Variants in TLL1 observed in about 807,000 individuals in gnomAD.
The protein encoded by TLL1 is tolloid like 1, also known as tolloid-like protein 1.
In TLL1, 49 loss-of-function variants were observed where a neutral mutation model predicts 128.2. The ratio of observed to expected loss-of-function variants is 0.38; its 90% CI spans 0.30 to 0.48. The LOEUF is 0.48. Ranked by LOEUF, TLL1 falls within the 20% of genes least tolerant of loss-of-function variation. The pLI, the probability that TLL1 is intolerant of heterozygous loss-of-function variation, is 0.96. For synonymous variants in TLL1, 454 were observed against 418.8 expected (o/e 1.08, Z -1.03); for missense variants, 1,123 against 1,242.0 (o/e 0.90, Z 1.44).
intron 8 of TLL1, among the ~76,000 whole-genome samples, chr4:166,016,241 C>T (rs1737939188): frequency 6.6e-6 from 1 of 151,860 alleles, no homozygotes; most frequent in Non-Finnish European, 1.5e-5. Flanking sequence ...AATGATACTG[C>T]TATGAAAAAA....
chr4:166,043,579 G>GT lies in TLL1; in HGVS notation c.1524+168dup, dbSNP rs201361754. Among the ~76,000 whole-genome samples the GT allele has an allele frequency of 3.1e-3, 468 of 152,046 alleles. 6 individuals are homozygous for GT. Among genetic ancestry groups the GT allele is most frequent in the East Asian group, 0.028 (147 of 5,174 alleles). On this transcript the variant is annotated intron_variant, in intron 12 of 20. Coordinates refer to ENST00000061240, the MANE Select transcript of TLL1 (RefSeq NM_012464.5). ...AAAATGCAACATCAAGAGCAAAAGG[G>GT]TTTTTTTTCTTCTTTCCTCGTTTGG... is the stretch of plus-strand genomic sequence containing the variant.
chr4:166,005,637 C>T (rs58809235), intron 6 of TLL1, among the ~76,000 whole-genome samples: 2,037 of 151,894 alleles, frequency 0.013, 42 homozygotes, highest in African/African-American at 0.047. Context: ...GTCCTATATA[C>T]CACTAGGAGG....
chr4:166,006,709 C>T (rs759289276), intron 6 of TLL1, among the ~76,000 whole-genome samples: 6 of 151,580 alleles, frequency 4.0e-5, no homozygotes, highest in Admixed American at 2.0e-4. Flanking sequence ...TTGTGGAGCA[C>T]GTATTTCATT....
At chr4:165,972,605 A>G (rs1735676869) in intron 1 of TLL1, among the ~76,000 whole-genome samples, 1 of 152,086 alleles carries the variant, frequency 6.6e-6, no homozygotes, top group South Asian at 2.1e-4. Flanking sequence ...CTGTCTGTCT[A>G]TTTTACTCCT....
At chr4:166,047,909 T>G (rs919938183) in intron 12 of TLL1, among the ~76,000 whole-genome samples, 1 of 151,976 alleles carries the variant, frequency 6.6e-6, no homozygotes, top group African/African-American at 2.4e-5. Context: ...GTCATGAGAG[T>G]GGAGCCCTCA....
At chr4:165,894,124 A>G (rs1731549149) in intron 1 of TLL1, among the ~76,000 whole-genome samples, 1 of 152,136 alleles carries the variant, frequency 6.6e-6, no homozygotes, top group Non-Finnish European at 1.5e-5. Context: ...AGGGGAGGAC[A>G]ATGTATAGAA....
At chr4:165,987,744 G>C (rs548300546) in intron 1 of TLL1, among the ~76,000 whole-genome samples, 177 of 151,944 alleles carry the variant, frequency 1.2e-3, no homozygotes, top group Non-Finnish European at 2.1e-3. Context: ...TTTTGCACTG[G>C]GTAAATAATT....
chr4:166,092,853 C>T (rs1741837765), intron 19 of TLL1, among the ~76,000 whole-genome samples: 1 of 152,096 alleles, frequency 6.6e-6, no homozygotes, highest in Non-Finnish European at 1.5e-5. Context: ...TACAAGTGAA[C>T]CCTTAACTAG....
intron 10 of TLL1, 121 bp downstream of exon 10, chr4:166,039,562 T>C: frequency 1.4e-6 from 1 of 726,116 alleles, no homozygotes; most frequent in Non-Finnish European, 2.4e-6. Flanking sequence ...ATTATTTTTA[T>C]GTTAGTTATA....
rs1742275045 is a variant in TLL1 at position 166,101,285 on chromosome 4, T to C, written c.*409T>C. On this transcript the variant is annotated 3_prime_UTR_variant, in exon 21 of 21. Coordinates refer to ENST00000061240, the MANE Select transcript of TLL1 (RefSeq NM_012464.5). Reference sequence around the variant, plus strand: ...GGTCGTAAACTGGAAAACAGTATTTTGGTTGTCTTAGGATAATTGCTGACT... The same window carrying C: ...GGTCGTAAACTGGAAAACAGTATTTCGGTTGTCTTAGGATAATTGCTGACT... The C allele has an allele frequency of 3.6e-6, 1 of 274,658 alleles. No individual in the cohort carries two copies. Among genetic ancestry groups the C allele is most frequent in the Non-Finnish European group, 7.0e-6 (1 of 142,788 alleles). 17.0% of individuals were successfully genotyped at this position (274,658 alleles called of 1,614,324 possible). A position where few individuals can be genotyped will look rare whatever the true frequency, so the allele number is the denominator to read the frequency against.
intron 1 of TLL1, among the ~76,000 whole-genome samples, chr4:165,925,629 C>A (rs1206973688): frequency 3.9e-5 from 6 of 152,296 alleles, no homozygotes; most frequent in Non-Finnish European, 7.4e-5. Context: ...ATTACATAAA[C>A]TTACTTGGTA....
At chr4:166,093,432 A>G (rs1205316226) in intron 19 of TLL1, among the ~76,000 whole-genome samples, 1 of 152,182 alleles carries the variant, frequency 6.6e-6, no homozygotes, top group East Asian at 1.9e-4. Flanking sequence ...ATCTCAGTGG[A>G]GTAAAGAATA....
intron 1 of TLL1, among the ~76,000 whole-genome samples, chr4:165,945,821 C>T (rs1398628340): frequency 6.6e-6 from 1 of 152,128 alleles, no homozygotes; most frequent in Non-Finnish European, 1.5e-5. Context: ...ACAGGCTGTT[C>T]AGTCAAGCTA....
At chr4:165,998,388 C>A (rs1479969604) in intron 5 of TLL1, among the ~76,000 whole-genome samples, 1 of 151,704 alleles carries the variant, frequency 6.6e-6, no homozygotes, top group Non-Finnish European at 1.5e-5. Context: ...TTAATGATTG[C>A]CAAAAAAGTA....
rs970820172 is a variant in TLL1 at position 165,989,771 on chromosome 4, G to A, written c.280+280G>A. Among the ~76,000 whole-genome samples, 4 of 151,286 alleles carry A rather than the reference G, an allele frequency of 2.6e-5. 1 individual carries two copies. The highest frequency in any genetic ancestry group is 6.8e-3 in the Middle Eastern group (2 of 294). ...TGAATCTTCATGACAACCCCCTCAG[G>A]GTAGTTACTAATATTACTATGATTT... On this transcript the variant is annotated intron_variant, in intron 2 of 20. Transcript: ENST00000061240.
rs139347161 is a variant in TLL1, at chr4:166,067,170, C to A, written c.2188+1307C>A. ...CCCATGTAACAAACCTGCACACATCCCACATGAATCTAAAATGATTTTTAA... is the reference window on the plus strand; with the variant it reads ...CCCATGTAACAAACCTGCACACATCACACATGAATCTAAAATGATTTTTAA... On this transcript the variant is annotated intron_variant, in intron 16 of 20. Coordinates refer to ENST00000061240, the MANE Select transcript of TLL1 (RefSeq NM_012464.5). Among the ~76,000 whole-genome samples the A allele has an allele frequency of 1.5e-4, 22 of 151,724 alleles. No homozygotes were observed. In the East Asian group the frequency reaches 4.3e-3, roughly 29 times the overall value.
intron 1 of TLL1, among the ~76,000 whole-genome samples, chr4:165,879,290 C>T (rs1730876597): frequency 6.6e-6 from 1 of 152,052 alleles, no homozygotes; most frequent in African/African-American, 2.4e-5. Flanking sequence ...ATGGTTCCTC[C>T]ATCAGAAACC....
rs1738467225 is a variant in TLL1 at position 166,025,779 on chromosome 4, A to G, written c.1158+348A>G. 5.3e-5 allele frequency among the ~76,000 whole-genome samples: 8 copies of G among 152,102 alleles called. 1 individual carries two copies. The highest frequency in any genetic ancestry group is 5.2e-4 in the Admixed American group (8 of 15,272). On this transcript the variant is annotated intron_variant, in intron 9 of 20. Coordinates refer to ENST00000061240, the MANE Select transcript of TLL1 (RefSeq NM_012464.5). ...TGTCCAGTTCAACCAGGAAAAAATT[A>G]TAATGAAAATTGTAAACTATTTTCA...
chr4:165,938,865 C>G (rs1464243309), intron 1 of TLL1, among the ~76,000 whole-genome samples: 1 of 151,092 alleles, frequency 6.6e-6, no homozygotes, highest in Non-Finnish European at 1.5e-5. Context: ...AAGTATTTTA[C>G]TTTAAGTTAC....
Sources: allele counts gnomAD v4.1 joint callset (sites outside exome capture counted in the v4.1 genomes callset), GRCh38; gene constraint gnomAD v4.1.1; transcripts MANE v1.5; gene names NCBI Gene and HGNC (gene_info 2026-07-23, HGNC 2026-07-21).